Variants in SLC24A2 observed in about 807,000 individuals in gnomAD.
The protein encoded by SLC24A2 is sodium/potassium/calcium exchanger 2.
SLC24A2 carries 36 observed loss-of-function variants against 62.0 expected under a neutral mutation model. The ratio of observed to expected loss-of-function variants is 0.58; its 90% CI spans 0.44 to 0.77. The LOEUF (loss-of-function observed/expected upper bound fraction) is 0.77. Ranked by LOEUF, SLC24A2 falls within the 30% of genes least tolerant of loss-of-function variation. The pLI, the probability that SLC24A2 is intolerant of heterozygous loss-of-function variation, is 0.00. For missense variants in SLC24A2, 846 were observed against 817.9 expected (o/e 1.03, Z -0.42); for synonymous variants, 358 against 294.0 (o/e 1.22, Z -2.23).
At chr9:19,892,349 T>C in the SLC24A2 span, among the ~76,000 whole-genome samples, 30 of 152,342 alleles carry the variant, frequency 2.0e-4, no homozygotes, top group African/African-American at 7.2e-4. Context: ...CTACACAAAA[T>C]TACTTTATTT....
the SLC24A2 span, among the ~76,000 whole-genome samples, chr9:19,849,693 A>G: frequency 6.6e-6 from 1 of 152,206 alleles, no homozygotes; most frequent in Admixed American, 6.5e-5. Context: ...TTTTTATGCT[A>G]TAGACTTTCT....
intron 2 of SLC24A2, among the ~76,000 whole-genome samples, chr9:19,660,129 T>C (rs1447401980): frequency 6.6e-6 from 1 of 152,186 alleles, no homozygotes; most frequent in Non-Finnish European, 1.5e-5. Context: ...CTGTTGTCCC[T>C]TCCGGACCAG....
At chr9:20,028,034 G>C in the SLC24A2 span, among the ~76,000 whole-genome samples, 1 of 152,170 alleles carries the variant, frequency 6.6e-6, no homozygotes, top group African/African-American at 2.4e-5. Flanking sequence ...ACCATCCATG[G>C]TGTGCAGGGA....
chr9:19,985,431 A>G, the SLC24A2 span, among the ~76,000 whole-genome samples: 1 of 152,238 alleles, frequency 6.6e-6, no homozygotes, highest in Non-Finnish European at 1.5e-5. Flanking sequence ...ACTGATACAT[A>G]TGACTTATAT....
the SLC24A2 span, among the ~76,000 whole-genome samples, chr9:19,819,809 A>G: frequency 6.6e-6 from 1 of 151,746 alleles, no homozygotes; most frequent in African/African-American, 2.4e-5. Flanking sequence ...TTCCTCAAAG[A>G]ACTAAAAGTA....
chr9:19,973,534 G>C, the SLC24A2 span, among the ~76,000 whole-genome samples: 1 of 152,166 alleles, frequency 6.6e-6, no homozygotes, highest in African/African-American at 2.4e-5. Flanking sequence ...ACTTAGATTT[G>C]GGTCCTGCCT....
the SLC24A2 span, among the ~76,000 whole-genome samples, chr9:20,235,622 C>T: frequency 6.6e-6 from 1 of 152,172 alleles, no homozygotes; most frequent in African/African-American, 2.4e-5. Context: ...TTCTAGGTGC[C>T]CTCTGTCACC....
the SLC24A2 span, chr9:19,967,918 G>C: frequency 1.3e-5 from 2 of 152,040 alleles, no homozygotes; most frequent in African/African-American, 4.8e-5. Flanking sequence ...GAGCATCCTT[G>C]AAAAACCAAA....
chr9:19,631,995 A>C (rs920137697), intron 2 of SLC24A2, among the ~76,000 whole-genome samples: 1 of 152,158 alleles, frequency 6.6e-6, no homozygotes, highest in Non-Finnish European at 1.5e-5. Flanking sequence ...AGTGGAGAAC[A>C]TGGCAGTAAG....
chr9:19,720,361 T>C (rs1033155924), intron 2 of SLC24A2, among the ~76,000 whole-genome samples: 2 of 152,198 alleles, frequency 1.3e-5, no homozygotes, highest in Non-Finnish European at 2.9e-5. Context: ...TCACTTTGAC[T>C]TATTCTTAGA....
At chr9:19,822,903 A>G in the SLC24A2 span, among the ~76,000 whole-genome samples, 2 of 152,208 alleles carry the variant, frequency 1.3e-5, no homozygotes, top group East Asian at 1.9e-4. Flanking sequence ...CTGGAGAAGA[A>G]AGGCCTCCAG....
At chr9:20,067,214 C>T in the SLC24A2 span, among the ~76,000 whole-genome samples, 1 of 151,730 alleles carries the variant, frequency 6.6e-6, no homozygotes, top group Non-Finnish European at 1.5e-5. Flanking sequence ...ATTAAACTTC[C>T]AAAAAAGGGT....
the SLC24A2 span, among the ~76,000 whole-genome samples, chr9:19,849,077 G>C: frequency 6.6e-6 from 1 of 152,168 alleles, no homozygotes; most frequent in Non-Finnish European, 1.5e-5. Flanking sequence ...AATGTGTACA[G>C]GGCTGGGGGC....
the SLC24A2 span, among the ~76,000 whole-genome samples, chr9:20,285,126 C>A: frequency 9.2e-5 from 14 of 152,136 alleles, no homozygotes; most frequent in African/African-American, 2.9e-4. Context: ...TGTGAGGAAA[C>A]CTCTTCCCAA....
the SLC24A2 span, among the ~76,000 whole-genome samples, chr9:20,169,240 T>C: frequency 6.6e-6 from 1 of 151,870 alleles, no homozygotes; most frequent in African/African-American, 2.4e-5. Context: ...GCTGGGATCA[T>C]GAAAAAGTTT....
At chr9:19,774,467 A>G (rs1007022380) in intron 2 of SLC24A2, among the ~76,000 whole-genome samples, 1 of 152,220 alleles carries the variant, frequency 6.6e-6, no homozygotes, top group African/African-American at 2.4e-5. Context: ...AGGTTCCTGG[A>G]ATACACCAAT....
In SLC24A2 at chr9:19,516,196, A is replaced by T; in HGVS notation, c.1943T>A (p.Val648Asp). 6.2e-7 allele frequency: 1 copy of T among 1,614,202 alleles called. No homozygotes were observed. The highest frequency in any genetic ancestry group is 8.5e-7 in the Non-Finnish European group (1 of 1,180,036). Reference protein sequence around the residue: ...GLYFVFLVVSVLLEDRILTCP... With the variant: ...GLYFVFLVVSDLLEDRILTCP... ...TGTAAGAATTCTGTCTTCTAGGAGA[A>T]CGCTCACCACCAGGAACACAAAGTA... is the stretch of plus-strand genomic sequence containing the variant. The change falls in exon 11 of 11, where the codon GTT (valine) becomes GAT (aspartate). Residue 648 changes from valine to aspartate, a missense_variant. By Grantham distance (152) the Val-to-Asp change is radical (BLOSUM62 -3). Coordinates refer to ENST00000341998, the MANE Select transcript of SLC24A2 (RefSeq NM_020344.4).
chr9:19,995,928 G>A, the SLC24A2 span, among the ~76,000 whole-genome samples: 2 of 152,234 alleles, frequency 1.3e-5, no homozygotes, highest in African/African-American at 4.8e-5. Context: ...ACTTCTTAGA[G>A]GCTATCTGGG....
the SLC24A2 span, among the ~76,000 whole-genome samples, chr9:20,089,123 G>A: frequency 1.3e-5 from 2 of 152,180 alleles, no homozygotes; most frequent in Non-Finnish European, 2.9e-5. Flanking sequence ...TGGGAGGGGT[G>A]TGTTGTCCTC....
Sources: allele counts gnomAD v4.1 joint callset (sites outside exome capture counted in the v4.1 genomes callset), GRCh38; gene constraint gnomAD v4.1.1; transcripts MANE v1.5; gene names NCBI Gene and HGNC (gene_info 2026-07-23, HGNC 2026-07-21).